The following NUBP1 variants were observed in gnomAD, a reference collection of about 807,000 sequenced individuals.
NUBP1 encodes the protein cytosolic Fe-S cluster assembly factor NUBP1.
In NUBP1, 46 loss-of-function variants were observed where a neutral mutation model predicts 41.8. The observed-to-expected ratio is 1.10, with a 90% CI of 0.87 to 1.41. NUBP1 has a LOEUF of 1.41. NUBP1 is among the 40% of genes most tolerant of loss of function. The pLI is 0.00. For missense variants in NUBP1, 494 were observed against 414.0 expected, an observed-to-expected ratio of 1.19 and a Z score of -1.68; for synonymous variants, 189 against 154.6, an observed-to-expected ratio of 1.22 and a Z score of -1.65.
In NUBP1 at chr16:10,759,206, C is replaced by T. The variant is rs1324431982; in HGVS notation, c.606+1179C>T. ...AAGGCCTGGCTCTCCCTGGTGGCCC[C>T]TGTGGCTCCCTGAGGAACACAGGTG... is the stretch of plus-strand genomic sequence containing the variant. On this transcript the variant is annotated intron_variant, in intron 7 of 10. Transcript: ENST00000283027. The surrounding 1 kb of genome is among the most constrained non-coding windows in gnomAD (Gnocchi z 4.7). 2.6e-5 allele frequency among the ~76,000 whole-genome samples: 4 copies of T among 152,218 alleles called. No homozygotes were observed. Among genetic ancestry groups the T allele is most frequent in the Non-Finnish European group, 4.4e-5 (3 of 68,044 alleles).
At chr16:10,748,113 G>C (rs748781295) in intron 3 of NUBP1, among the ~76,000 whole-genome samples, 2 of 152,054 alleles carry the variant, frequency 1.3e-5, no homozygotes, top group South Asian at 4.1e-4. Context: ...ACCATGCCCG[G>C]CTAATTTTTG....
chr16:10,750,268 G>A (rs529431987), intron 3 of NUBP1, among the ~76,000 whole-genome samples: 2 of 152,124 alleles, frequency 1.3e-5, no homozygotes, highest in South Asian at 2.1e-4. Context: ...TTTTTGAGAC[G>A]GAGTCTCATT....
chr16:10,753,488 A>G (rs1485973383), intron 4 of NUBP1, among the ~76,000 whole-genome samples: 1 of 151,712 alleles, frequency 6.6e-6, no homozygotes, highest in Non-Finnish European at 1.5e-5. Flanking sequence ...AAGCTCTCCA[A>G]GAGAGGATTC....
chr16:10,743,949 G>A lies in NUBP1; in HGVS notation c.20-12G>A, dbSNP rs772369021. On this transcript the variant is annotated splice_polypyrimidine_tract_variant and intron_variant, in intron 1 of 10. Transcript: ENST00000283027. ...CGGGAGCTGCTCTAACTGTGGTCTTGTCTCTGCGCAGACTGTCCAGGGGCC... is the reference window on the plus strand; with the variant it reads ...CGGGAGCTGCTCTAACTGTGGTCTTATCTCTGCGCAGACTGTCCAGGGGCC... The A allele has an allele frequency of 1.3e-5, 20 of 1,592,178 alleles. No individual in the cohort carries two copies. Among genetic ancestry groups the A allele is most frequent in the Admixed American group, 5.5e-5 (3 of 54,356 alleles).
intron 7 of NUBP1, chr16:10,761,054 A>T: frequency 3.7e-6 from 1 of 267,040 alleles, no homozygotes; most frequent in Non-Finnish European, 7.4e-6. Context: ...TGTAGGAGGA[A>T]CTGTCAAACA....
chr16:10,761,678 T>A (rs565336258), intron 8 of NUBP1, 79 bp from the exon 9 acceptor site: 4 of 1,138,042 alleles, frequency 3.5e-6, no homozygotes, highest in East Asian at 2.4e-5. Flanking sequence ...TTTTTTTTTT[T>A]AAGTTTCTTT....
intron 7 of NUBP1, 175 bp from the exon 8 acceptor site, chr16:10,761,189 G>A (rs933793897): frequency 4.7e-5 from 26 of 549,062 alleles, no homozygotes; most frequent in Non-Finnish European, 7.9e-5. Context: ...GGATGATGGG[G>A]ATTACAGTTC....
chr16:10,752,862 C>T (rs1567256260), intron 4 of NUBP1, among the ~76,000 whole-genome samples, 184 bp downstream of exon 4: 1 of 152,188 alleles, frequency 6.6e-6, no homozygotes, highest in Non-Finnish European at 1.5e-5. Context: ...GTGGTGCAAC[C>T]TCAGCTCACT....
chr16:10,769,097 A>G lies in NUBP1; in HGVS notation c.955A>G (p.Ser319Gly), dbSNP rs200227375. 9 of 1,614,070 alleles carry G rather than the reference A, an allele frequency of 5.6e-6. No homozygotes were observed. In the Middle Eastern group the frequency reaches 4.9e-4, roughly 89 times the overall value. Reference sequence around the variant, plus strand: ...TCAGTCAAAAGAAGAGAACCTCATCAGTTCCTGAAACGAGAGAATGTTCAG... The same window carrying G: ...TCAGTCAAAAGAAGAGAACCTCATCGGTTCCTGAAACGAGAGAATGTTCAG... ...LHQSKEENLI[S>G]S The change falls in exon 11 of 11, where the codon AGT (serine) becomes GGT (glycine). Residue 319 changes from serine to glycine, a missense_variant. Coordinates refer to ENST00000283027, the MANE Select transcript of NUBP1 (RefSeq NM_002484.4).
intron 9 of NUBP1, among the ~76,000 whole-genome samples, chr16:10,764,674 AGTCTGCTGGAGTAG>A (rs2030587083): frequency 7.1e-6 from 1 of 141,786 alleles, no homozygotes; most frequent in African/African-American, 2.7e-5. Flanking sequence ...GGAGCATCTC[AGTCTGCTGGAGTAG>A]GTCTATTGGA....
chr16:10,749,120 G>GACACACAGACACACACACAC lies in NUBP1; in HGVS notation c.258+1849_258+1850insCAGACACACACACACACACA, dbSNP rs777149995. On this transcript the variant is annotated intron_variant, in intron 3 of 10. Transcript: ENST00000283027. The surrounding 1 kb of genome is among the most constrained non-coding windows in gnomAD (Gnocchi z 4.1). ...AAAAAAGGATATAGATAGATACACA[G>GACACACAGACACACACACAC]ACACATACACACACACACACACACA... Among the ~76,000 whole-genome samples the GACACACAGACACACACACAC allele has an allele frequency of 1.1e-5, 1 of 92,340 alleles. No individual in the cohort carries two copies. The highest frequency in any genetic ancestry group is 3.9e-5 in the African/African-American group (1 of 25,742). 60.6% of individuals were successfully genotyped at this position (92,340 alleles called of 152,430 possible).
At chr16:10,762,546 C>A (rs186430761) in intron 9 of NUBP1, among the ~76,000 whole-genome samples, 1 of 152,166 alleles carries the variant, frequency 6.6e-6, no homozygotes, top group Non-Finnish European at 1.5e-5. Context: ...CCCCCAGGAC[C>A]GCGGAGCCGG....
intron 2 of NUBP1, 47 bp downstream of exon 2, chr16:10,744,112 G>T: frequency 6.9e-7 from 1 of 1,451,034 alleles, no homozygotes; most frequent in South Asian, 1.3e-5. Flanking sequence ...GCGCAGGCCC[G>T]GAAAAGGCGG....
At chr16:10,747,110 A>T (rs1232641749) in intron 2 of NUBP1, 33 bp from the exon 3 acceptor site, 1 of 1,612,108 alleles carries the variant, frequency 6.2e-7, no homozygotes, top group East Asian at 2.2e-5. Flanking sequence ...TTGGTGTGGG[A>T]CCTCATCCCC....
intron 7 of NUBP1, among the ~76,000 whole-genome samples, chr16:10,760,108 G>T (rs1232692427): frequency 6.6e-6 from 1 of 152,346 alleles, no homozygotes; most frequent in Admixed American, 6.5e-5. Flanking sequence ...ATGCAAAGTT[G>T]TCCACATTGG....
Position 10,767,978 on chromosome 16 carries a change from T to C in NUBP1, c.850T>C (p.Phe284Leu). The change falls in exon 10 of 11, where the codon TTC (phenylalanine) becomes CTC (leucine). Residue 284 changes from phenylalanine to leucine, a missense_variant. By Grantham distance (22) the Phe-to-Leu change is conservative. Coordinates refer to ENST00000283027, the MANE Select transcript of NUBP1 (RefSeq NM_002484.4). This position sits in a 1 kb window ranked among gnomAD's most constrained non-coding sequence, Gnocchi z 4.6. ...GAATTGTGACAAAGGCCAGTCTTTT[T>C]TCATTGACGCCCCAGATTCCCCAGC... ...GKNCDKGQSF[F>L]IDAPDSPATL... 6.2e-7 allele frequency: 1 copy of C among 1,614,158 alleles called. No individual in the cohort carries two copies. The highest frequency in any genetic ancestry group is 1.1e-5 in the South Asian group (1 of 91,080).
intron 4 of NUBP1, 109 bp from the exon 5 acceptor site, chr16:10,755,612 A>G (rs1900511039): frequency 1.7e-6 from 2 of 1,163,820 alleles, no homozygotes; most frequent in Admixed American, 3.7e-5. Context: ...AAGACAATGA[A>G]TTATATTTTA....
In NUBP1 at chr16:10,751,863, C is replaced by G. The variant is rs749094568; in HGVS notation, c.259-747C>G. Among the ~76,000 whole-genome samples the G allele has an allele frequency of 1.6e-4, 24 of 152,200 alleles. 1 individual carries two copies. The highest frequency in any genetic ancestry group is 2.9e-4 in the Non-Finnish European group (20 of 68,036). On this transcript the variant is annotated intron_variant, in intron 3 of 10. Coordinates refer to ENST00000283027, the MANE Select transcript of NUBP1 (RefSeq NM_002484.4). The stretch of plus-strand genomic sequence containing the variant: ...CCACTCTGGTCCTCCACAGCAGGCC[C>G]GTGGTGTACTGGAAAGAGCCCCAGT...
chr16:10,762,786 C>T (rs1421442228), intron 9 of NUBP1, among the ~76,000 whole-genome samples: 1 of 148,706 alleles, frequency 6.7e-6, no homozygotes, highest in East Asian at 1.9e-4. Context: ...GAAGTATGGC[C>T]TGGCCAGGAG....
Sources: gnomAD v4.1 joint callset for allele counts (sites outside exome capture counted in the v4.1 genomes callset) on GRCh38, gnomAD v4.1.1 for gene constraint, Gnocchi (gnomAD v3.1) non-coding constraint, MANE v1.5 for transcripts, NCBI Gene and HGNC (gene_info 2026-07-23, HGNC 2026-07-21) for gene names.